The following MDGA2 variants were observed in gnomAD, a reference collection of about 807,000 sequenced individuals.
The protein encoded by MDGA2 is MAM domain containing glycosylphosphatidylinositol anchor 2.
Under a neutral mutation model 117.8 loss-of-function variants are expected in MDGA2, and 40 were observed. That is an observed-to-expected ratio of 0.34 (90% confidence interval 0.26 to 0.44). The LOEUF (loss-of-function observed/expected upper bound fraction) is 0.44, where lower values mean the gene tolerates loss of function less well. Among genes scored for constraint, MDGA2 ranks in the 20% least tolerant of loss-of-function variants. MDGA2 has a pLI of 1.00. For missense variants in MDGA2, 1,123 were observed against 1,250.6 expected (o/e 0.90, Z 1.54); for synonymous variants, 452 against 439.0 (o/e 1.03, Z -0.37).
chr14:47,458,885 T>A (rs1594867677), intron 1 of MDGA2, among the ~76,000 whole-genome samples: 1 of 150,798 alleles, frequency 6.6e-6, no homozygotes, highest in Non-Finnish European at 1.5e-5. Flanking sequence ...CATGGCAGGG[T>A]TGAGATGCAG....
intron 2 of MDGA2, among the ~76,000 whole-genome samples, chr14:47,270,178 T>C (rs770594005): frequency 6.6e-6 from 1 of 152,198 alleles, no homozygotes; most frequent in Non-Finnish European, 1.5e-5. Flanking sequence ...AACTGTACCA[T>C]GGATTTTTCC....
chr14:47,055,002 C>CTTTTTTTT (rs10640408), intron 7 of MDGA2, among the ~76,000 whole-genome samples: 4 of 125,666 alleles, frequency 3.2e-5, no homozygotes, highest in African/African-American at 6.0e-5. Flanking sequence ...TTTTTCTTTT[C>CTTTTTTTT]TTTTTTTTTT....
chr14:47,306,841 G>GAAA (rs1491562573), intron 1 of MDGA2, among the ~76,000 whole-genome samples: 1 of 61,078 alleles, frequency 1.6e-5, no homozygotes, highest in Admixed American at 2.7e-4. Context: ...AAGAGAAAGA[G>GAAA]GGAGAGAGAG....
chr14:47,221,702 A>G (rs1453873585), intron 2 of MDGA2, among the ~76,000 whole-genome samples: 2 of 151,088 alleles, frequency 1.3e-5, no homozygotes, highest in Non-Finnish European at 3.0e-5. Context: ...AAAAAAAAAA[A>G]AGAGATTACG....
chr14:47,673,632 A>ATG (rs10528657), intron 1 of MDGA2, among the ~76,000 whole-genome samples: 2,856 of 144,050 alleles, frequency 0.02, 111 homozygotes, highest in East Asian at 0.18. Flanking sequence ...TATGACCTGG[A>ATG]TGTGTGTGTG....
intron 15 of MDGA2, among the ~76,000 whole-genome samples, chr14:46,851,648 T>C (rs1223654071): frequency 2.0e-5 from 3 of 151,766 alleles, no homozygotes; most frequent in African/African-American, 2.4e-5. Context: ...AATAAAACAG[T>C]GTAAATGCTA....
intron 1 of MDGA2, among the ~76,000 whole-genome samples, chr14:47,664,730 G>A (rs777010567): frequency 7.2e-5 from 11 of 152,286 alleles, no homozygotes; most frequent in Non-Finnish European, 1.6e-4. Flanking sequence ...CTGTACATTC[G>A]TAAAGAACGA....
intron 1 of MDGA2, among the ~76,000 whole-genome samples, chr14:47,390,750 T>C (rs1891876089): frequency 6.6e-6 from 1 of 152,210 alleles, no homozygotes; most frequent in South Asian, 2.1e-4. Context: ...TTTACTTTTG[T>C]GGGAGAGGCT....
chr14:47,230,113 T>A (rs1886639710), intron 2 of MDGA2, among the ~76,000 whole-genome samples: 1 of 152,010 alleles, frequency 6.6e-6, no homozygotes, highest in South Asian at 2.1e-4. Context: ...TATAATAGAA[T>A]ATAATCTAAA....
At chr14:46,920,649 G>A (rs1386816513) in intron 9 of MDGA2, among the ~76,000 whole-genome samples, 5 of 152,160 alleles carry the variant, frequency 3.3e-5, no homozygotes. Flanking sequence ...GAAGGTGAAA[G>A]TCTGACACTG....
rs142914642 is a variant in MDGA2, at chr14:47,556,660, T to C, written c.280+117857A>G. On this transcript the variant is annotated intron_variant, in intron 1 of 16. Coordinates refer to ENST00000399232, the MANE Select transcript of MDGA2 (RefSeq NM_001113498.3). Reference sequence around the variant, plus strand: ...CCAGTCTGCAGAATGGAGAAAATAATAGTTGCAACTTCATACAGTTATTGT... The same window carrying C: ...CCAGTCTGCAGAATGGAGAAAATAACAGTTGCAACTTCATACAGTTATTGT... Among the ~76,000 whole-genome samples, 11 of 152,298 alleles carry C rather than the reference T, an allele frequency of 7.2e-5. No homozygotes were observed. The East Asian group carries it at 2.1e-3, about 29-fold the overall frequency.
chr14:47,646,245 C>T (rs1404003819), intron 1 of MDGA2, among the ~76,000 whole-genome samples: 1 of 151,828 alleles, frequency 6.6e-6, no homozygotes, highest in East Asian at 1.9e-4. Flanking sequence ...GGATAGATTA[C>T]CAAACTAGTT....
intron 8 of MDGA2, among the ~76,000 whole-genome samples, chr14:46,988,142 G>C (rs151258488): frequency 6.6e-6 from 1 of 151,888 alleles, no homozygotes; most frequent in African/African-American, 2.4e-5. Context: ...TGTATGAGAA[G>C]GGTTGTATTT....
chr14:47,217,939 G>C (rs928083410), intron 3 of MDGA2, 82 bp downstream of exon 3: 1 of 1,164,178 alleles, frequency 8.6e-7, no homozygotes, highest in Non-Finnish European at 1.2e-6. Context: ...AGAACGCTAT[G>C]GTTTTTCAGA....
intron 2 of MDGA2, among the ~76,000 whole-genome samples, chr14:47,245,560 A>G (rs1594750405): frequency 6.6e-6 from 1 of 151,754 alleles, no homozygotes; most frequent in Non-Finnish European, 1.5e-5. Context: ...AAGGACTTCA[A>G]AGTGCCTTCC....
rs964747385 is a variant in MDGA2, at chr14:47,384,670, C to T, written c.281-83120G>A. ...CCATCCAAATCACTGCTCCTGATTGCTTGGGTGGGTGCCACAGTACTTCCA... is the reference window on the plus strand; with the variant it reads ...CCATCCAAATCACTGCTCCTGATTGTTTGGGTGGGTGCCACAGTACTTCCA... On this transcript the variant is annotated intron_variant, in intron 1 of 16. Transcript: ENST00000399232. 2.0e-5 allele frequency among the ~76,000 whole-genome samples: 3 copies of T among 152,234 alleles called. No homozygotes were observed. In the East Asian group the frequency reaches 5.8e-4, roughly 29 times the overall value.
chr14:47,027,155 C>T (rs1291918937), intron 8 of MDGA2, among the ~76,000 whole-genome samples: 1 of 151,582 alleles, frequency 6.6e-6, no homozygotes, highest in Admixed American at 6.6e-5. Flanking sequence ...CACAGAGACC[C>T]TGTCTCAAAA....
At chr14:47,298,813 T>C (rs577651661) in intron 2 of MDGA2, among the ~76,000 whole-genome samples, 16 of 151,498 alleles carry the variant, frequency 1.1e-4, no homozygotes, top group African/African-American at 3.9e-4. Context: ...GCCTCCTGAG[T>C]AGCTGGGACT....
chr14:47,439,456 C>G (rs1422683998), intron 1 of MDGA2, among the ~76,000 whole-genome samples: 1 of 152,088 alleles, frequency 6.6e-6, no homozygotes, highest in Non-Finnish European at 1.5e-5. Flanking sequence ...ATTCAAGAAA[C>G]ATTTGTAAAA....
Sources: gnomAD v4.1 joint callset for allele counts (sites outside exome capture counted in the v4.1 genomes callset) on GRCh38, gnomAD v4.1.1 for gene constraint, MANE v1.5 for transcripts, NCBI Gene and HGNC (gene_info 2026-07-23, HGNC 2026-07-21) for gene names.